Variants in RORB observed in about 807,000 individuals in gnomAD.
The protein encoded by RORB is nuclear receptor ROR-beta.
In RORB, 6 loss-of-function variants were observed where a neutral mutation model predicts 59.1. The ratio of observed to expected loss-of-function variants is 0.10; its 90% CI spans 0.06 to 0.20. The LOEUF (loss-of-function observed/expected upper bound fraction) is 0.20. Ranked by LOEUF, RORB falls within the 10% of genes least tolerant of loss-of-function variation. RORB has a pLI of 1.00. For synonymous variants in RORB, 215 were observed against 204.5 expected, an observed-to-expected ratio of 1.05 and a Z score of -0.44; for missense variants, 320 against 560.5, an observed-to-expected ratio of 0.57 and a Z score of 4.33.
intron 1 of RORB, among the ~76,000 whole-genome samples, chr9:74,609,377 G>T (rs770961473): frequency 1.1e-4 from 17 of 152,108 alleles, no homozygotes; most frequent in Non-Finnish European, 5.9e-5. Flanking sequence ...ACCCTAGGAG[G>T]TAATGAGTAG....
At chr9:74,513,287 C>T (rs1825964790) in intron 1 of RORB, among the ~76,000 whole-genome samples, 1 of 151,898 alleles carries the variant, frequency 6.6e-6, no homozygotes, top group Admixed American at 6.6e-5. Context: ...AGCAAAAGTA[C>T]CAGAATTAAG....
At chr9:74,546,583 T>C (rs1301035360) in intron 1 of RORB, among the ~76,000 whole-genome samples, 2 of 152,166 alleles carry the variant, frequency 1.3e-5, no homozygotes, top group Non-Finnish European at 1.5e-5. Context: ...TGATGCTTAA[T>C]CATGGACAGC....
chr9:74,527,613 C>T (rs1319046633), intron 1 of RORB, among the ~76,000 whole-genome samples: 1 of 151,942 alleles, frequency 6.6e-6, no homozygotes, highest in African/African-American at 2.4e-5. Flanking sequence ...TTTACAGACT[C>T]AGTATCATTT....
intron 1 of RORB, among the ~76,000 whole-genome samples, chr9:74,579,716 C>T (rs373949322): frequency 3.9e-5 from 6 of 152,248 alleles, no homozygotes; most frequent in East Asian, 3.9e-4. Context: ...CCCAGCAATA[C>T]GAAATGGAAA....
intron 4 of RORB, among the ~76,000 whole-genome samples, chr9:74,659,577 A>G (rs1563966797): frequency 6.6e-6 from 1 of 151,538 alleles, no homozygotes; most frequent in African/African-American, 2.4e-5. Context: ...TGTGACCTCC[A>G]CCTCCCAGGT....
chr9:74,585,310 A>G (rs1194137060), intron 1 of RORB, among the ~76,000 whole-genome samples: 1 of 152,192 alleles, frequency 6.6e-6, no homozygotes, highest in African/African-American at 2.4e-5. Flanking sequence ...TCCCTAGCAT[A>G]ATCTCAAAAT....
intron 1 of RORB, among the ~76,000 whole-genome samples, chr9:74,537,489 A>G (rs1458532286): frequency 6.6e-6 from 1 of 152,024 alleles, no homozygotes; most frequent in Non-Finnish European, 1.5e-5. Context: ...TTTTTTAACA[A>G]GAGTTGAAAA....
intron 1 of RORB, among the ~76,000 whole-genome samples, chr9:74,585,762 C>T (rs1246110282): frequency 7.8e-6 from 1 of 127,450 alleles, no homozygotes; most frequent in African/African-American, 2.7e-5. Context: ...TAAAAATCTA[C>T]ACAGCACTCT....
In RORB at chr9:74,692,089, T is replaced by C. The variant is rs1249224214; in HGVS notation, c.*6471T>C. ...AACAAGATATTTTTGTACACATTTA[T>C]TTCTTGTTAATAACCTGAGGTCAGA... On this transcript the variant is annotated 3_prime_UTR_variant, in exon 10 of 10. Transcript: ENST00000376896. 2 of 152,210 alleles carry C rather than the reference T, an allele frequency of 1.3e-5. No individual in the cohort carries two copies. Among genetic ancestry groups the C allele is most frequent in the African/African-American group, 4.8e-5 (2 of 41,446 alleles). The allele number at this position is 152,210 out of a possible 1,614,324, so 9.4% of individuals were successfully genotyped here.
intron 1 of RORB, among the ~76,000 whole-genome samples, chr9:74,605,320 G>A (rs1823131899): frequency 6.6e-6 from 1 of 152,150 alleles, no homozygotes; most frequent in African/African-American, 2.4e-5. Context: ...AGGGTTAGGA[G>A]GATTGTAGAT....
chr9:74,589,482 T>C (rs568823147), intron 1 of RORB, among the ~76,000 whole-genome samples: 1 of 152,126 alleles, frequency 6.6e-6, no homozygotes, highest in African/African-American at 2.4e-5. Flanking sequence ...TATGAGACAG[T>C]GGGCAAGTCA....
intron 1 of RORB, among the ~76,000 whole-genome samples, chr9:74,539,163 A>C (rs1382648355): frequency 6.6e-6 from 1 of 152,220 alleles, no homozygotes; most frequent in African/African-American, 2.4e-5. Flanking sequence ...GTATTCATGA[A>C]TACACCTCAC....
At chr9:74,542,588 G>A (rs575558465) in intron 1 of RORB, among the ~76,000 whole-genome samples, 8 of 152,148 alleles carry the variant, frequency 5.3e-5, no homozygotes, top group Admixed American at 5.2e-4. Context: ...AAAATGAGAG[G>A]CAATATTTAA....
intron 1 of RORB, among the ~76,000 whole-genome samples, chr9:74,543,223 C>T (rs2118139282): frequency 6.6e-6 from 1 of 152,224 alleles, no homozygotes; most frequent in East Asian, 1.9e-4. Context: ...TGCTTCTTTC[C>T]ACCACATACG....
At chr9:74,501,660 A>G (rs1242948246) in intron 1 of RORB, among the ~76,000 whole-genome samples, 1 of 152,076 alleles carries the variant, frequency 6.6e-6, no homozygotes, top group Non-Finnish European at 1.5e-5. Flanking sequence ...GAATAAAAAT[A>G]TTTTCTTAAA....
At chr9:74,614,671 A>G (rs1823283588) in intron 1 of RORB, among the ~76,000 whole-genome samples, 1 of 152,166 alleles carries the variant, frequency 6.6e-6, no homozygotes, top group African/African-American at 2.4e-5. Flanking sequence ...GTGGTAGGGG[A>G]TGAGAAGAGC....
chr9:74,619,878 C>T (rs1199829554), intron 1 of RORB, among the ~76,000 whole-genome samples: 2 of 152,160 alleles, frequency 1.3e-5, no homozygotes, highest in African/African-American at 4.8e-5. Context: ...GCCTTGCATC[C>T]CAGGGATGAA....
chr9:74,646,820 G>A (rs913740013), intron 4 of RORB, among the ~76,000 whole-genome samples: 2 of 152,112 alleles, frequency 1.3e-5, no homozygotes, highest in Non-Finnish European at 2.9e-5. Context: ...GAGATACCAC[G>A]AAAATAAATA....
intron 1 of RORB, among the ~76,000 whole-genome samples, chr9:74,519,577 C>A (rs1826055170): frequency 6.6e-6 from 1 of 151,908 alleles, no homozygotes; most frequent in Non-Finnish European, 1.5e-5. Context: ...TTCTGTAACT[C>A]TTTTAAAATA....
Sources: gnomAD v4.1 joint callset for allele counts (sites outside exome capture counted in the v4.1 genomes callset) on GRCh38, gnomAD v4.1.1 for gene constraint, MANE v1.5 for transcripts, NCBI Gene and HGNC (gene_info 2026-07-23, HGNC 2026-07-21) for gene names.